Variants in RTL8B observed in about 807,000 individuals in gnomAD.
The protein encoded by RTL8B is retrotransposon Gag like 8B.
A neutral mutation model predicts 4.4 loss-of-function variants in RTL8B; 5 were observed. The ratio of observed to expected loss-of-function variants is 1.13; its 90% CI spans 0.59 to 2.37. The LOEUF is 2.37. Among genes scored for constraint, RTL8B ranks in the 30% most tolerant of loss-of-function variants. The probability of loss-of-function intolerance (pLI) is 0.01; values close to 1 mark genes in which losing one functional copy is unlikely to be tolerated. For missense variants in RTL8B, 82 were observed against 99.2 expected (o/e 0.83, Z 0.74); for synonymous variants, 31 against 44.2 (o/e 0.70, Z 1.19).
Position 135,021,835 on chromosome X carries a change from C to T in RTL8B, c.*283G>A. The stretch of plus-strand genomic sequence containing the variant: ...AGCTCAGCTTTGTGCAACTGGAGCG[C>T]AGGACAGCGTCCAAATGTGCATGGG... On this transcript the variant is annotated 3_prime_UTR_variant, in exon 1 of 1. Coordinates refer to ENST00000391440, the MANE Select transcript of RTL8B (RefSeq NM_001078173.2). 2 of 1,135,031 alleles carry T rather than the reference C, an allele frequency of 1.8e-6. No individual in the cohort carries two copies. The highest frequency in any genetic ancestry group is 2.3e-6 in the Non-Finnish European group (2 of 853,455). The allele number at this position is 1,135,031 out of a possible 1,213,427, so 93.5% of individuals were successfully genotyped here. A position where few individuals can be genotyped will look rare whatever the true frequency, so the allele number is the denominator to read the frequency against.
In RTL8B at chrX:135,020,725, A is replaced by G. The variant is rs2083264402; in HGVS notation, c.*1393T>C. 1 of 112,026 alleles carries G rather than the reference A, an allele frequency of 8.9e-6. No homozygotes were observed. Among genetic ancestry groups the G allele is most frequent in the Admixed American group, 9.4e-5 (1 of 10,625 alleles). 9.2% of individuals were successfully genotyped at this position (112,026 alleles called of 1,213,427 possible). A position where few individuals can be genotyped will look rare whatever the true frequency, so the allele number is the denominator to read the frequency against. On this transcript the variant is annotated 3_prime_UTR_variant, in exon 1 of 1. Coordinates refer to ENST00000391440, the MANE Select transcript of RTL8B (RefSeq NM_001078173.2). ...TGAATAAAATGATACCAAATACCCAATTCTTCTGCAAAATAAAACCCCCTG... is the reference window on the plus strand; with the variant it reads ...TGAATAAAATGATACCAAATACCCAGTTCTTCTGCAAAATAAAACCCCCTG...
chrX:135,022,287 A>G lies in RTL8B; in HGVS notation c.173T>C (p.Phe58Ser), dbSNP rs769350803. The change falls in exon 1 of 1, where the codon TTC (phenylalanine) becomes TCC (serine). Residue 58 changes from phenylalanine to serine, a missense_variant. Transcript: ENST00000391440. ...CGTCACCTTCAGGGCGTCGTTGGAG[A>G]ACGTGTTCTCGTCCACGAACATGTA... ...SSYMFVDENTFSNDALKVTFL... is the reference protein window; with the variant it reads ...SSYMFVDENTSSNDALKVTFL... 3.3e-6 allele frequency: 4 copies of G among 1,211,737 alleles called. No individual in the cohort carries two copies. The highest frequency in any genetic ancestry group is 3.4e-6 in the Non-Finnish European group (3 of 895,511).
chrX:135,021,803 T>C lies in RTL8B; in HGVS notation c.*315A>G. ...CGGCTGTCAGTGGTCTGTCAGTGTGTAACAGGAGCTCAGCTTTGTGCAACT... is the reference window on the plus strand; with the variant it reads ...CGGCTGTCAGTGGTCTGTCAGTGTGCAACAGGAGCTCAGCTTTGTGCAACT... On this transcript the variant is annotated 3_prime_UTR_variant, in exon 1 of 1. Transcript: ENST00000391440. The C allele has an allele frequency of 1.8e-6, 2 of 1,101,920 alleles. No homozygotes were observed. Among genetic ancestry groups the C allele is most frequent in the African/African-American group, 3.6e-5 (2 of 54,852 alleles). The allele number at this position is 1,101,920 out of a possible 1,213,427, so 90.8% of individuals were successfully genotyped here.
Position 135,020,901 on chromosome X carries a change from T to C in RTL8B, c.*1217A>G, listed in dbSNP as rs1434042787. The C allele has an allele frequency of 8.9e-6, 1 of 112,500 alleles. No homozygotes were observed. The highest frequency in any genetic ancestry group is 1.9e-5 in the Non-Finnish European group (1 of 53,360). The allele number at this position is 112,500 out of a possible 1,213,427, so 9.3% of individuals were successfully genotyped here. ...CATGGGTTGAGTAAAATTTTACAGC[T>C]GTTCACCAATAATCTGTGTGGGATT... On this transcript the variant is annotated 3_prime_UTR_variant, in exon 1 of 1. Coordinates refer to ENST00000391440, the MANE Select transcript of RTL8B (RefSeq NM_001078173.2).
Position 135,021,122 on chromosome X carries a change from G to A in RTL8B, c.*996C>T, listed in dbSNP as rs1410252044. 1.4e-5 allele frequency: 2 copies of A among 144,165 alleles called. No homozygotes were observed. Among genetic ancestry groups the A allele is most frequent in the East Asian group, 3.6e-4 (2 of 5,523 alleles). The allele number at this position is 144,165 out of a possible 1,213,427, so 11.9% of individuals were successfully genotyped here. A position where few individuals can be genotyped will look rare whatever the true frequency, so the allele number is the denominator to read the frequency against. On this transcript the variant is annotated 3_prime_UTR_variant, in exon 1 of 1. Coordinates refer to ENST00000391440, the MANE Select transcript of RTL8B (RefSeq NM_001078173.2). Reference sequence around the variant, plus strand: ...TCTGGGACAGAAGGATCACCAGTGGGGACACTATCCCCCAGGTTACCACAG... The same window carrying A: ...TCTGGGACAGAAGGATCACCAGTGGAGACACTATCCCCCAGGTTACCACAG...
In RTL8B at chrX:135,022,542, T is replaced by G; in HGVS notation, c.-83A>C. Reference sequence around the variant, plus strand: ...GCACCGAGGCGTAGCGGGAAGTGCATGTCGCGGGAGGAGAAGCCGGGATGT... The same window carrying G: ...GCACCGAGGCGTAGCGGGAAGTGCAGGTCGCGGGAGGAGAAGCCGGGATGT... On this transcript the variant is annotated 5_prime_UTR_variant, in exon 1 of 1. It removes an upstream start codon present in the reference 5' UTR. Transcript: ENST00000391440. The G allele has an allele frequency of 2.6e-6, 3 of 1,154,733 alleles. No individual in the cohort carries two copies. Among genetic ancestry groups the G allele is most frequent in the Non-Finnish European group, 3.5e-6 (3 of 868,721 alleles).
At position 135,021,767 on chromosome X, in the gene RTL8B, G is replaced by C. The variant is rs1384364432; in HGVS notation, c.*351C>G. The C allele has an allele frequency of 1.1e-5, 12 of 1,056,060 alleles. No individual in the cohort carries two copies. Among genetic ancestry groups the C allele is most frequent in the East Asian group, 9.9e-5 (2 of 20,283 alleles). The allele number at this position is 1,056,060 out of a possible 1,213,427, so 87.0% of individuals were successfully genotyped here. A position where few individuals can be genotyped will look rare whatever the true frequency, so the allele number is the denominator to read the frequency against. On this transcript the variant is annotated 3_prime_UTR_variant, in exon 1 of 1. Transcript: ENST00000391440. The stretch of plus-strand genomic sequence containing the variant: ...TGGAAGTCTGGTGAGGAGGAGGGGG[G>C]TTGGCAGCGGCGGCTGTCAGTGGTC...
rs765829206 is a variant in RTL8B, at chrX:135,021,995, A to G, written c.*123T>C. 1.0e-5 allele frequency: 12 copies of G among 1,165,052 alleles called. No homozygotes were observed. Among genetic ancestry groups the G allele is most frequent in the Admixed American group, 2.6e-5 (1 of 38,902 alleles). ...GGGAGGGGACAGGAGCGCAGGGGAC[A>G]TCGTGGCGGCTCGAGGGGGAGGGAG... On this transcript the variant is annotated 3_prime_UTR_variant, in exon 1 of 1. Coordinates refer to ENST00000391440, the MANE Select transcript of RTL8B (RefSeq NM_001078173.2).
Position 135,022,185 on chromosome X carries a change from C to T in RTL8B, c.275G>A (p.Ser92Asn), listed in dbSNP as rs370651078. Reference sequence around the variant, plus strand: ...CTCAGCCAGGAAGCCCCGGTAATCACTGAGGAGGGGGCTCTCCTTCTTGAT... The same window carrying T: ...CTCAGCCAGGAAGCCCCGGTAATCATTGAGGAGGGGGCTCTCCTTCTTGAT... ...PYIKKESPLL[S>N]DYRGFLAEMK... Residue 92 changes from serine to asparagine, a missense_variant, in exon 1 of 1, where the codon AGT (serine) becomes AAT (asparagine). Physicochemically the swap from Ser to Asn is conservative, Grantham distance 46 (BLOSUM62 1). Transcript: ENST00000391440. 14 of 1,210,463 alleles carry T rather than the reference C, an allele frequency of 1.2e-5. No individual in the cohort carries two copies. The highest frequency in any genetic ancestry group is 5.2e-5 in the African/African-American group (3 of 57,389).
Position 135,021,830 on chromosome X carries a change from G to A in RTL8B, c.*288C>T. On this transcript the variant is annotated 3_prime_UTR_variant, in exon 1 of 1. Transcript: ENST00000391440. ...ACAGGAGCTCAGCTTTGTGCAACTG[G>A]AGCGCAGGACAGCGTCCAAATGTGC... 8.8e-7 allele frequency: 1 copy of A among 1,130,259 alleles called. No individual in the cohort carries two copies. Among genetic ancestry groups the A allele is most frequent in the African/African-American group, 1.8e-5 (1 of 55,760 alleles). The allele number at this position is 1,130,259 out of a possible 1,213,427, so 93.1% of individuals were successfully genotyped here.
In RTL8B at chrX:135,021,332, T is replaced by C; in HGVS notation, c.*786A>G. ...TTTATTGAAAATATGGAAAATACTT[T>C]TCTCCAGGTAGTATAAAGGAGTTAA... On this transcript the variant is annotated 3_prime_UTR_variant, in exon 1 of 1. Coordinates refer to ENST00000391440, the MANE Select transcript of RTL8B (RefSeq NM_001078173.2). 1 of 249,030 alleles carries C rather than the reference T, an allele frequency of 4.0e-6. No homozygotes were observed. The highest frequency in any genetic ancestry group is 7.6e-6 in the Non-Finnish European group (1 of 132,112). The allele number at this position is 249,030 out of a possible 1,213,427, so 20.5% of individuals were successfully genotyped here.
chrX:135,021,101 G>A lies in RTL8B; in HGVS notation c.*1017C>T, dbSNP rs1303190421. On this transcript the variant is annotated 3_prime_UTR_variant, in exon 1 of 1. Transcript: ENST00000391440. ...ACTGGTTTAGAGGATTCAACATCTG[G>A]GACAGAAGGATCACCAGTGGGGACA... 1 of 130,794 alleles carries A rather than the reference G, an allele frequency of 7.6e-6. No individual in the cohort carries two copies. The highest frequency in any genetic ancestry group is 7.9e-5 in the Admixed American group (1 of 12,617). 10.8% of individuals were successfully genotyped at this position (130,794 alleles called of 1,213,427 possible).
Position 135,021,870 on chromosome X carries a change from G to A in RTL8B, c.*248C>T. The A allele has an allele frequency of 8.7e-7, 1 of 1,152,669 alleles. No individual in the cohort carries two copies. Among genetic ancestry groups the A allele is most frequent in the Non-Finnish European group, 1.2e-6 (1 of 865,419 alleles). The allele number at this position is 1,152,669 out of a possible 1,213,427, so 95.0% of individuals were successfully genotyped here. The stretch of plus-strand genomic sequence containing the variant: ...TCCAAATGTGCATGGGAGGGGCTGA[G>A]CTGGCACGAGAGGGCGGAGGCAGCC... On this transcript the variant is annotated 3_prime_UTR_variant, in exon 1 of 1. Coordinates refer to ENST00000391440, the MANE Select transcript of RTL8B (RefSeq NM_001078173.2).
Position 135,021,982 on chromosome X carries a change from G to A in RTL8B, c.*136C>T, listed in dbSNP as rs1477936731. 2 of 1,159,490 alleles carry A rather than the reference G, an allele frequency of 1.7e-6. No homozygotes were observed. The highest frequency in any genetic ancestry group is 2.3e-6 in the Non-Finnish European group (2 of 870,382). ...GCAAGCACTACGCGGGAGGGGACAG[G>A]AGCGCAGGGGACATCGTGGCGGCTC... On this transcript the variant is annotated 3_prime_UTR_variant, in exon 1 of 1. Transcript: ENST00000391440.
rs1019816899 is a variant in RTL8B at position 135,020,519 on chromosome X, G to A, written c.*1599C>T. The A allele has an allele frequency of 8.9e-6, 1 of 111,809 alleles. No homozygotes were observed. Among genetic ancestry groups the A allele is most frequent in the Non-Finnish European group, 1.9e-5 (1 of 53,178 alleles). 9.2% of individuals were successfully genotyped at this position (111,809 alleles called of 1,213,427 possible). A position where few individuals can be genotyped will look rare whatever the true frequency, so the allele number is the denominator to read the frequency against. Reference sequence around the variant, plus strand: ...AGACTAAAACTTCACCAAATACAATGGTATTAAAGCAATTTAATGGTAAAA... The same window carrying A: ...AGACTAAAACTTCACCAAATACAATAGTATTAAAGCAATTTAATGGTAAAA... On this transcript the variant is annotated 3_prime_UTR_variant, in exon 1 of 1. Coordinates refer to ENST00000391440, the MANE Select transcript of RTL8B (RefSeq NM_001078173.2).
At position 135,020,656 on chromosome X, in the gene RTL8B, T is replaced by TG. The variant is rs1266697414; in HGVS notation, c.*1461_*1462insC. 1 of 111,600 alleles carries TG rather than the reference T, an allele frequency of 9.0e-6. No homozygotes were observed. Among genetic ancestry groups the TG allele is most frequent in the Non-Finnish European group, 1.9e-5 (1 of 53,126 alleles). The allele number at this position is 111,600 out of a possible 1,213,427, so 9.2% of individuals were successfully genotyped here. ...ATTGTGCATGGAAAATAACAAAAAATTTTTTTACCCAAGCTTATGAAATGT... is the reference window on the plus strand; with the variant it reads ...ATTGTGCATGGAAAATAACAAAAAATGTTTTTTACCCAAGCTTATGAAATGT... On this transcript the variant is annotated 3_prime_UTR_variant, in exon 1 of 1. Transcript: ENST00000391440.
chrX:135,022,423 C>T lies in RTL8B; in HGVS notation c.37G>A (p.Ala13Thr). 8.3e-7 allele frequency: 1 copy of T among 1,211,860 alleles called. No homozygotes were observed. Among genetic ancestry groups the T allele is most frequent in the Non-Finnish European group, 1.1e-6 (1 of 895,383 alleles). ...GRVQLMKALL[A>T]RPLRPAARRW... ...CGCGCCGCGGGCCGGAGGGGCCGAGCCAGGAGGGCCTTCATCAGCTGCACT... is the reference window on the plus strand; with the variant it reads ...CGCGCCGCGGGCCGGAGGGGCCGAGTCAGGAGGGCCTTCATCAGCTGCACT... The change falls in exon 1 of 1, where the codon GCT (alanine) becomes ACT (threonine). Residue 13 changes from alanine (A) to threonine (T), a missense_variant. Ala to Thr is a moderately conservative substitution (Grantham distance 58, BLOSUM62 0). Coordinates refer to ENST00000391440, the MANE Select transcript of RTL8B (RefSeq NM_001078173.2).
At position 135,022,207 on chromosome X, in the gene RTL8B, T is replaced by G. The variant is rs1406409920; in HGVS notation, c.253A>C (p.Lys85Gln). The G allele has an allele frequency of 8.3e-6, 10 of 1,211,480 alleles. No individual in the cohort carries two copies. Among genetic ancestry groups the G allele is most frequent in the Non-Finnish European group, 1.1e-5 (10 of 895,234 alleles). Residue 85 changes from lysine to glutamine, a missense_variant, in exon 1 of 1, where the codon AAG becomes CAG. Lys to Gln is a moderately conservative substitution (Grantham distance 53). Transcript: ENST00000391440. Reference sequence around the variant, plus strand: ...TCACTGAGGAGGGGGCTCTCCTTCTTGATGTAGGGGATCACCCACTGCAGG... The same window carrying G: ...TCACTGAGGAGGGGGCTCTCCTTCTGGATGTAGGGGATCACCCACTGCAGG... Reference protein sequence around the residue: ...PALQWVIPYIKKESPLLSDYR... With the variant: ...PALQWVIPYIQKESPLLSDYR...
chrX:135,022,140 C>T lies in RTL8B; in HGVS notation c.320G>A (p.Trp107Ter). 8.3e-7 allele frequency: 1 copy of T among 1,211,976 alleles called. No individual in the cohort carries two copies. Among genetic ancestry groups the T allele is most frequent in the Non-Finnish European group, 1.1e-6 (1 of 895,522 alleles). The change falls in exon 1 of 1, where the codon TGG becomes TAG. Residue 107 changes from tryptophan to a stop codon, truncating the protein, a stop_gained. Transcript: ENST00000391440. LOFTEE classifies it high-confidence loss of function. ...GGCCTAGAAGTCCTCGTCCTCCTCCCATCCAAAGACCCGCTTCATCTCAGC... is the reference window on the plus strand; with the variant it reads ...GGCCTAGAAGTCCTCGTCCTCCTCCTATCCAAAGACCCGCTTCATCTCAGC... ...FLAEMKRVFG[W>*]EEDEDF
Sources: gnomAD v4.1 joint callset for allele counts on GRCh38, gnomAD v4.1.1 for gene constraint, MANE v1.5 for transcripts, NCBI Gene and HGNC (gene_info 2026-07-23, HGNC 2026-07-21) for gene names.